The following FEM1B variants were observed in gnomAD, a reference collection of about 807,000 sequenced individuals.
FEM1B encodes protein fem-1 homolog B.
FEM1B carries 10 observed loss-of-function variants against 38.6 expected under a neutral mutation model. The observed-to-expected ratio is 0.26, with a 90% CI of 0.16 to 0.44. The LOEUF is 0.44. Among genes scored for constraint, FEM1B ranks in the 20% least tolerant of loss-of-function variants. The pLI is 1.00. For synonymous variants in FEM1B, 288 were observed against 288.0 expected (o/e 1.00, Z 0.00); for missense variants, 471 against 786.7 (o/e 0.60, Z 4.80).
chr15:68,278,487 C>G lies in FEM1B; in HGVS notation c.70C>G (p.Leu24Val). ...CAAGGTGCTGACTCTGGCCGCCTTG[C>G]TTCTCAACCGGTCTGAAAGCGACAT... ...EGKVLTLAAL[L>V]LNRSESDIRY... is the part of the protein sequence containing the mutation. The change falls in exon 1 of 2, where the codon CTT (leucine) becomes GTT (valine). Residue 24 changes from leucine to valine, a missense_variant. Physicochemically the swap from Leu to Val is conservative, Grantham distance 32 (BLOSUM62 1). This residue lies in a region of FEM1B where 91 missense variants were observed against 169.6 expected (regional missense o/e 0.54). Coordinates refer to ENST00000306917, the MANE Select transcript of FEM1B (RefSeq NM_015322.5). This position sits in a 1 kb window ranked among gnomAD's most constrained non-coding sequence, Gnocchi z 5.7. The G allele has an allele frequency of 6.2e-7, 1 of 1,613,948 alleles. No individual in the cohort carries two copies. Among genetic ancestry groups the G allele is most frequent in the Non-Finnish European group, 8.5e-7 (1 of 1,180,026 alleles).
chr15:68,282,756 T>G (rs974862231), intron 1 of FEM1B, among the ~76,000 whole-genome samples: 1 of 152,252 alleles, frequency 6.6e-6, no homozygotes, highest in Admixed American at 6.5e-5. Context: ...ATTTTATCTT[T>G]AATTTCTGTT....
In FEM1B at chr15:68,293,564, T is replaced by G. The variant is rs1595842542; in HGVS notation, c.*2322T>G. The stretch of plus-strand genomic sequence containing the variant: ...GGGTGGAGAACGAATTTGAAGACAG[T>G]GGAATAAACTATGAACTATGCTAAT... On this transcript the variant is annotated 3_prime_UTR_variant, in exon 2 of 2. Coordinates refer to ENST00000306917, the MANE Select transcript of FEM1B (RefSeq NM_015322.5). The surrounding 1 kb of genome is among the most constrained non-coding windows in gnomAD (Gnocchi z 5.8). 1 of 152,222 alleles carries G rather than the reference T, an allele frequency of 6.6e-6. No homozygotes were observed. The highest frequency in any genetic ancestry group is 3.4e-3 in the Middle Eastern group (1 of 294). 9.4% of individuals were successfully genotyped at this position (152,222 alleles called of 1,614,324 possible). A position where few individuals can be genotyped will look rare whatever the true frequency, so the allele number is the denominator to read the frequency against.
rs182392610 is a variant in FEM1B at position 68,281,156 on chromosome 15, A to G, written c.248+2491A>G. Reference sequence around the variant, plus strand: ...AAATGTTAGCCTGAGTACATTAACAATAGAAAGCTGACTTGACCCTTGGGG... The same window carrying G: ...AAATGTTAGCCTGAGTACATTAACAGTAGAAAGCTGACTTGACCCTTGGGG... On this transcript the variant is annotated intron_variant, in intron 1 of 1. Transcript: ENST00000306917. This position sits in a 1 kb window ranked among gnomAD's most constrained non-coding sequence, Gnocchi z 5.1. 1.3e-5 allele frequency among the ~76,000 whole-genome samples: 2 copies of G among 152,362 alleles called. No homozygotes were observed. Among genetic ancestry groups the G allele is most frequent in the African/African-American group, 4.8e-5 (2 of 41,584 alleles).
At position 68,289,553 on chromosome 15, in the gene FEM1B, C is replaced by T. The variant is rs766644809; in HGVS notation, c.249-54C>T. The stretch of plus-strand genomic sequence containing the variant: ...GGTGGGAGTGAATACATCCCTTAAA[C>T]ATATGTTAGGCTGTGGCCTCTGTTA... On this transcript the variant is annotated intron_variant, in intron 1 of 1. Transcript: ENST00000306917. This position sits in a 1 kb window ranked among gnomAD's most constrained non-coding sequence, Gnocchi z 6.9. The T allele has an allele frequency of 1.5e-6, 2 of 1,342,976 alleles. No individual in the cohort carries two copies. Among genetic ancestry groups the T allele is most frequent in the Non-Finnish European group, 2.1e-6 (2 of 947,412 alleles). 83.2% of individuals were successfully genotyped at this position (1,342,976 alleles called of 1,614,324 possible).
At position 68,294,880 on chromosome 15, in the gene FEM1B, G is replaced by GT. The variant is rs1232884259; in HGVS notation, c.*3642dup. 1 of 152,082 alleles carries GT rather than the reference G, an allele frequency of 6.6e-6. No homozygotes were observed. The highest frequency in any genetic ancestry group is 1.5e-5 in the Non-Finnish European group (1 of 68,016). The allele number at this position is 152,082 out of a possible 1,614,324, so 9.4% of individuals were successfully genotyped here. ...GCTATGAAATATTTTTAGTCCAGAG[G>GT]TTTTAAGCTGTGTGTCCATTCCTAC... is the stretch of plus-strand genomic sequence containing the variant. On this transcript the variant is annotated 3_prime_UTR_variant, in exon 2 of 2. Coordinates refer to ENST00000306917, the MANE Select transcript of FEM1B (RefSeq NM_015322.5). This position sits in a 1 kb window ranked among gnomAD's most constrained non-coding sequence, Gnocchi z 4.4.
In FEM1B at chr15:68,294,842, C is replaced by G. The variant is rs948267970; in HGVS notation, c.*3600C>G. ...TAAAAAGGGGTTAAAGAAAACAAAA[C>G]TCTGCCTTTTGTGCTATGAAATATT... On this transcript the variant is annotated 3_prime_UTR_variant, in exon 2 of 2. Coordinates refer to ENST00000306917, the MANE Select transcript of FEM1B (RefSeq NM_015322.5). This position sits in a 1 kb window ranked among gnomAD's most constrained non-coding sequence, Gnocchi z 4.4. 2 of 152,174 alleles carry G rather than the reference C, an allele frequency of 1.3e-5. No homozygotes were observed. The highest frequency in any genetic ancestry group is 1.3e-4 in the Admixed American group (2 of 15,276). The allele number at this position is 152,174 out of a possible 1,614,324, so 9.4% of individuals were successfully genotyped here.
In FEM1B at chr15:68,284,752, T is replaced by G. The variant is rs1425111951; in HGVS notation, c.249-4855T>G. 1.3e-5 allele frequency among the ~76,000 whole-genome samples: 2 copies of G among 152,220 alleles called. No individual in the cohort carries two copies. The highest frequency in any genetic ancestry group is 2.9e-5 in the Non-Finnish European group (2 of 68,040). On this transcript the variant is annotated intron_variant, in intron 1 of 1. Transcript: ENST00000306917. The surrounding 1 kb of genome is among the most constrained non-coding windows in gnomAD (Gnocchi z 4.4). ...GGCTATGTCCCACCCAAATCTTATCTTGAATTCCCACGTGTTGTGGGAGGG... is the reference window on the plus strand; with the variant it reads ...GGCTATGTCCCACCCAAATCTTATCGTGAATTCCCACGTGTTGTGGGAGGG...
In FEM1B at chr15:68,288,307, G is replaced by A. The variant is rs79731779; in HGVS notation, c.249-1300G>A. Among the ~76,000 whole-genome samples, 2,162 of 152,272 alleles carry A rather than the reference G, an allele frequency of 0.014. 56 individuals carry two copies. The highest frequency in any genetic ancestry group is 0.048 in the African/African-American group (2,013 of 41,522). ...CATTATTCTCTTTTCCACTTCATGG[G>A]GGATATAATTTGACCAGTGTTATAA... On this transcript the variant is annotated intron_variant, in intron 1 of 1. Transcript: ENST00000306917. This position sits in a 1 kb window ranked among gnomAD's most constrained non-coding sequence, Gnocchi z 4.6.
chr15:68,285,007 A>T (rs998222083), intron 1 of FEM1B, among the ~76,000 whole-genome samples: 4 of 152,184 alleles, frequency 2.6e-5, no homozygotes, highest in East Asian at 3.8e-4. Context: ...TTCTTTTGTA[A>T]GTTGCCCAGT....
chr15:68,293,856 C>T lies in FEM1B; in HGVS notation c.*2614C>T, dbSNP rs1210330582. On this transcript the variant is annotated 3_prime_UTR_variant, in exon 2 of 2. Transcript: ENST00000306917. The surrounding 1 kb of genome is among the most constrained non-coding windows in gnomAD (Gnocchi z 5.8). ...AGAAAATGATAGTTCTATATCTCAG[C>T]CCTCTGTGAACTCTAGGCTGTCTCC... 1 of 152,018 alleles carries T rather than the reference C, an allele frequency of 6.6e-6. No homozygotes were observed. Among genetic ancestry groups the T allele is most frequent in the African/African-American group, 2.4e-5 (1 of 41,376 alleles). The allele number at this position is 152,018 out of a possible 1,614,324, so 9.4% of individuals were successfully genotyped here.
rs376316886 is a variant in FEM1B, at chr15:68,278,516, C to T, written c.99C>T (p.Arg33=). 1.2e-6 allele frequency: 2 copies of T among 1,613,972 alleles called. No individual in the cohort carries two copies. The highest frequency in any genetic ancestry group is 2.7e-5 in the African/African-American group (2 of 74,936). ...LLLNRSESDI[R]YLLGYVSQQG... ...TCAACCGGTCTGAAAGCGACATCCG[C>T]TATCTGCTTGGCTATGTCAGCCAGC... is the stretch of plus-strand genomic sequence containing the variant. Residue 33 remains arginine, a synonymous_variant, in exon 1 of 2, where the codon CGC becomes CGT. Coordinates refer to ENST00000306917, the MANE Select transcript of FEM1B (RefSeq NM_015322.5). This position sits in a 1 kb window ranked among gnomAD's most constrained non-coding sequence, Gnocchi z 5.7.
rs556500605 is a variant in FEM1B at position 68,284,744 on chromosome 15, A to C, written c.249-4863A>C. ...TAGGGTTTGGCTATGTCCCACCCAA[A>C]TCTTATCTTGAATTCCCACGTGTTG... On this transcript the variant is annotated intron_variant, in intron 1 of 1. Coordinates refer to ENST00000306917, the MANE Select transcript of FEM1B (RefSeq NM_015322.5). The surrounding 1 kb of genome is among the most constrained non-coding windows in gnomAD (Gnocchi z 4.4). Among the ~76,000 whole-genome samples, 15 of 152,264 alleles carry C rather than the reference A, an allele frequency of 9.9e-5. No homozygotes were observed. The highest frequency in any genetic ancestry group is 3.6e-4 in the African/African-American group (15 of 41,546).
At chr15:68,287,830 CTTTTTT>C (rs71455589) in intron 1 of FEM1B, among the ~76,000 whole-genome samples, 4 of 114,680 alleles carry the variant, frequency 3.5e-5, no homozygotes, top group Admixed American at 1.8e-4. Flanking sequence ...GCTAACGTCT[CTTTTTT>C]TTTTTTTTTT....
Position 68,290,258 on chromosome 15 carries a change from T to C in FEM1B, c.900T>C (p.His300=), listed in dbSNP as rs538550896. The C allele has an allele frequency of 8.7e-6, 14 of 1,614,112 alleles. No homozygotes were observed. The East Asian group carries it at 3.1e-4, about 36-fold the overall frequency. ...AAAAAGAGGTTCTTCCACCAATCCA[T>C]GCTTATGGGAATAGAACTGAATGTA... ...ILEKEVLPPI[H]AYGNRTECRN... The change falls in exon 2 of 2, where the codon CAT becomes CAC. Residue 300 remains histidine (H), a synonymous_variant. Coordinates refer to ENST00000306917, the MANE Select transcript of FEM1B (RefSeq NM_015322.5). This position sits in a 1 kb window ranked among gnomAD's most constrained non-coding sequence, Gnocchi z 9.7.
In FEM1B at chr15:68,284,032, T is replaced by C. The variant is rs1406872339; in HGVS notation, c.248+5367T>C. On this transcript the variant is annotated intron_variant, in intron 1 of 1. Transcript: ENST00000306917. This position sits in a 1 kb window ranked among gnomAD's most constrained non-coding sequence, Gnocchi z 4.4. ...TCCCGAGTAGCTGGGATTACAGACA[T>C]GCGCCACCACACCTGGCTAATTTTG... Among the ~76,000 whole-genome samples the C allele has an allele frequency of 1.3e-5, 2 of 152,008 alleles. No individual in the cohort carries two copies. The highest frequency in any genetic ancestry group is 3.9e-4 in the East Asian group (2 of 5,160).
intron 1 of FEM1B, among the ~76,000 whole-genome samples, chr15:68,282,726 G>A (rs1392984140): frequency 6.6e-6 from 1 of 152,178 alleles, no homozygotes; most frequent in East Asian, 1.9e-4. Context: ...TAGGAACTTA[G>A]TAAATACTGC....
intron 1 of FEM1B, among the ~76,000 whole-genome samples, chr15:68,285,512 A>G (rs1255029339): frequency 6.6e-6 from 1 of 152,208 alleles, no homozygotes; most frequent in South Asian, 2.1e-4. Flanking sequence ...GTCAGTTGCC[A>G]CATCTTGCTC....
In FEM1B at chr15:68,283,502, TAAAAAAAAA is replaced by T. The variant is rs60432847; in HGVS notation, c.248+4859_248+4867del. The stretch of plus-strand genomic sequence containing the variant: ...AACATAGTGAGACCTCATCTCTACC[TAAAAAAAAA>T]AAAAAAAAAAAAAAAAAAAAAGGTA... On this transcript the variant is annotated intron_variant, in intron 1 of 1. Coordinates refer to ENST00000306917, the MANE Select transcript of FEM1B (RefSeq NM_015322.5). Among the ~76,000 whole-genome samples, 120 of 71,980 alleles carry T rather than the reference TAAAAAAAAA, an allele frequency of 1.7e-3. 1 individual carries two copies. Among genetic ancestry groups the T allele is most frequent in the Non-Finnish European group, 2.5e-3 (102 of 40,854 alleles). The allele number at this position is 71,980 out of a possible 152,430, so 47.2% of individuals were successfully genotyped here. A position where few individuals can be genotyped will look rare whatever the true frequency, so the allele number is the denominator to read the frequency against.
rs1422391922 is a variant in FEM1B, at chr15:68,289,012, ACTT to A, written c.249-591_249-589del. The stretch of plus-strand genomic sequence containing the variant: ...ATATAATATGTGCTGTGTTCATCTG[ACTT>A]CTTTTCTCAGCATCAGGTTTATGTT... On this transcript the variant is annotated intron_variant, in intron 1 of 1. Transcript: ENST00000306917. This position sits in a 1 kb window ranked among gnomAD's most constrained non-coding sequence, Gnocchi z 6.9. 6.6e-6 allele frequency among the ~76,000 whole-genome samples: 1 copy of A among 152,068 alleles called. No homozygotes were observed. Among genetic ancestry groups the A allele is most frequent in the African/African-American group, 2.4e-5 (1 of 41,392 alleles).
Sources: gnomAD v4.1 joint callset for allele counts (sites outside exome capture counted in the v4.1 genomes callset) on GRCh38, gnomAD v4.1.1 for gene constraint, gnomAD v4.1.1 regional missense constraint, Gnocchi (gnomAD v3.1) non-coding constraint, MANE v1.5 for transcripts, NCBI Gene and HGNC (gene_info 2026-07-23, HGNC 2026-07-21) for gene names.